Variants in MAMDC2 observed in about 807,000 individuals in gnomAD.
MAMDC2 encodes the protein MAM domain containing 2.
MAMDC2 carries 57 observed loss-of-function variants against 89.8 expected under a neutral mutation model. That is an observed-to-expected ratio of 0.63 (90% CI 0.51 to 0.79). The LOEUF (loss-of-function observed/expected upper bound fraction) is 0.79. Ranked by LOEUF, MAMDC2 falls within the 30% of genes least tolerant of loss-of-function variation. The probability of loss-of-function intolerance (pLI) is 0.00; values close to 1 mark genes in which losing one functional copy is unlikely to be tolerated. For missense variants in MAMDC2, 800 were observed against 820.6 expected (o/e 0.97, Z 0.31); for synonymous variants, 313 against 293.4 (o/e 1.07, Z -0.68).
At chr9:70,090,991 A>T (rs777056932) in intron 2 of MAMDC2, among the ~76,000 whole-genome samples, 2 of 152,166 alleles carry the variant, frequency 1.3e-5, no homozygotes, top group Admixed American at 6.5e-5. Flanking sequence ...TATTCAGTGA[A>T]GAACAGCATG....
intron 2 of MAMDC2, chr9:70,093,667 A>C (rs961026099): frequency 6.6e-6 from 1 of 151,780 alleles, no homozygotes; most frequent in Non-Finnish European, 1.5e-5. Context: ...CCTGACCTCA[A>C]GTGATCCACC....
At chr9:70,143,277 A>G (rs2031287571) in intron 8 of MAMDC2, among the ~76,000 whole-genome samples, 2 of 152,212 alleles carry the variant, frequency 1.3e-5, no homozygotes, top group African/African-American at 4.8e-5. Context: ...TGTTTCATGA[A>G]AAGTGTAAAT....
intron 11 of MAMDC2, among the ~76,000 whole-genome samples, chr9:70,191,013 T>C (rs1386591706): frequency 6.6e-6 from 1 of 152,128 alleles, no homozygotes; most frequent in Non-Finnish European, 1.5e-5. Context: ...TCACATCTTT[T>C]GTAGAGTATA....
Position 70,104,906 on chromosome 9 carries a change from A to G in MAMDC2, c.149-3305A>G, listed in dbSNP as rs577217623. Among the ~76,000 whole-genome samples the G allele has an allele frequency of 2.0e-5, 3 of 152,296 alleles. No homozygotes were observed. In the East Asian group the frequency reaches 5.8e-4, roughly 29 times the overall value. ...TTTATGAACATGCTAAAAACCTCTG[A>G]ATTGTATTAAAAGGGTGAATTCTAT... is the stretch of plus-strand genomic sequence containing the variant. On this transcript the variant is annotated intron_variant, in intron 2 of 13. Transcript: ENST00000377182.
chr9:70,078,567 T>C (rs1469118741), intron 2 of MAMDC2, among the ~76,000 whole-genome samples: 1 of 152,146 alleles, frequency 6.6e-6, no homozygotes, highest in Non-Finnish European at 1.5e-5. Context: ...ACAATGTTGA[T>C]TAGTGATTGG....
At chr9:70,176,544 C>T (rs997412197) in intron 11 of MAMDC2, among the ~76,000 whole-genome samples, 1 of 152,152 alleles carries the variant, frequency 6.6e-6, no homozygotes, top group Non-Finnish European at 1.5e-5. Flanking sequence ...TTAAATAAAA[C>T]TCTCTGGTGC....
rs530777510 is a variant in MAMDC2 at position 70,091,215 on chromosome 9, C to T, written c.149-16996C>T. The stretch of plus-strand genomic sequence containing the variant: ...CTAAAAATAAACCCCACAGAGTCCA[C>T]ATGGAGAGTTGGCCCTGGAACACTG... On this transcript the variant is annotated intron_variant, in intron 2 of 13. Coordinates refer to ENST00000377182, the MANE Select transcript of MAMDC2 (RefSeq NM_153267.5). Among the ~76,000 whole-genome samples the T allele has an allele frequency of 2.2e-4, 34 of 152,300 alleles. No individual in the cohort carries two copies. The South Asian group carries it at 3.3e-3, about 15-fold the overall frequency.
At chr9:70,089,781 A>G (rs1430045148) in intron 2 of MAMDC2, among the ~76,000 whole-genome samples, 1 of 152,224 alleles carries the variant, frequency 6.6e-6, no homozygotes, top group East Asian at 1.9e-4. Flanking sequence ...ATAGGACTGC[A>G]GTGATTACTT....
chr9:70,170,348 C>T, intron 10 of MAMDC2, 131 bp from the exon 11 acceptor site: 3 of 1,012,216 alleles, frequency 3.0e-6, no homozygotes, highest in South Asian at 2.0e-5. Flanking sequence ...GTAGGTGGGC[C>T]ACCAGTGGGG....
chr9:70,155,441 C>G (rs2031725466), intron 9 of MAMDC2, among the ~76,000 whole-genome samples: 1 of 152,188 alleles, frequency 6.6e-6, no homozygotes, highest in African/African-American at 2.4e-5. Flanking sequence ...TGCTCTTCGT[C>G]AAAACCAACC....
intron 11 of MAMDC2, among the ~76,000 whole-genome samples, chr9:70,202,998 A>G (rs2033135746): frequency 6.6e-6 from 1 of 151,814 alleles, no homozygotes; most frequent in African/African-American, 2.4e-5. Context: ...ATGGATCTTG[A>G]CTCTTTATCC....
rs149698058 is a variant in MAMDC2 at position 70,092,083 on chromosome 9, A to G, written c.149-16128A>G. Reference sequence around the variant, plus strand: ...TTCATTTGGCATGTATTTATTTAACACCTATTATGTTACTTGGCATTAAAG... The same window carrying G: ...TTCATTTGGCATGTATTTATTTAACGCCTATTATGTTACTTGGCATTAAAG... On this transcript the variant is annotated intron_variant, in intron 2 of 13. Coordinates refer to ENST00000377182, the MANE Select transcript of MAMDC2 (RefSeq NM_153267.5). Among the ~76,000 whole-genome samples the G allele has an allele frequency of 6.2e-3, 943 of 152,308 alleles. 10 individuals carry two copies. The highest frequency in any genetic ancestry group is 0.021 in the African/African-American group (889 of 41,566).
intron 9 of MAMDC2, among the ~76,000 whole-genome samples, chr9:70,166,262 AATATAT>A (rs371331801): frequency 7.4e-6 from 1 of 134,488 alleles, no homozygotes; most frequent in Admixed American, 7.8e-5. Context: ...ACAAAACAGA[AATATAT>A]ATATATATAC....
intron 9 of MAMDC2, among the ~76,000 whole-genome samples, chr9:70,164,182 A>G (rs967059493): frequency 5.3e-5 from 8 of 152,164 alleles, no homozygotes; most frequent in East Asian, 1.9e-4. Context: ...TAGAGGTTAC[A>G]GTTGCTGCTA....
intron 2 of MAMDC2, among the ~76,000 whole-genome samples, chr9:70,050,008 C>G (rs1826855952): frequency 6.6e-6 from 1 of 152,170 alleles, no homozygotes; most frequent in South Asian, 2.1e-4. Context: ...AGGAAACATC[C>G]CTGTCTCCAC....
In MAMDC2 at chr9:70,204,902, C is replaced by T. The variant is rs578162214; in HGVS notation, c.1652-13435C>T. ...GCTTCCCAGGTGAGGCAATGCCCCG[C>T]CCTGCTTCAGCTCGCGCATGGTGCG... On this transcript the variant is annotated intron_variant, in intron 11 of 13. Coordinates refer to ENST00000377182, the MANE Select transcript of MAMDC2 (RefSeq NM_153267.5). Among the ~76,000 whole-genome samples the T allele has an allele frequency of 9.8e-5, 15 of 152,350 alleles. No homozygotes were observed. The East Asian group carries it at 2.9e-3, about 29-fold the overall frequency.
intron 2 of MAMDC2, among the ~76,000 whole-genome samples, chr9:70,096,308 G>A (rs1563951574): frequency 6.6e-6 from 1 of 152,134 alleles, no homozygotes; most frequent in Non-Finnish European, 1.5e-5. Context: ...GTGAGCCACT[G>A]CACCAGTCTG....
At chr9:70,136,387 G>A (rs2031012177) in intron 7 of MAMDC2, among the ~76,000 whole-genome samples, 2 of 152,042 alleles carry the variant, frequency 1.3e-5, no homozygotes, top group Admixed American at 6.5e-5. Flanking sequence ...TCTTCTTAGC[G>A]CTGAGTGATA....
chr9:70,185,255 C>A (rs1407553090), intron 11 of MAMDC2, among the ~76,000 whole-genome samples: 6 of 152,218 alleles, frequency 3.9e-5, no homozygotes, highest in Admixed American at 6.5e-5. Context: ...TCTCTGGAAG[C>A]TTTGTCCCAG....
Sources: gnomAD v4.1 joint callset for allele counts (sites outside exome capture counted in the v4.1 genomes callset) on GRCh38, gnomAD v4.1.1 for gene constraint, MANE v1.5 for transcripts, NCBI Gene and HGNC (gene_info 2026-07-23, HGNC 2026-07-21) for gene names.